Variants in DTWD2 observed in about 807,000 individuals in gnomAD.
The protein encoded by DTWD2 is tRNA-uridine aminocarboxypropyltransferase 2.
DTWD2 carries 39 observed loss-of-function variants against 31.8 expected under a neutral mutation model. The observed-to-expected ratio is 1.22, with a 90% CI of 0.95 to 1.60. DTWD2 has a LOEUF of 1.60. Ranked by LOEUF, DTWD2 falls within the 40% of genes most tolerant of loss-of-function variation. The pLI is 0.00. For synonymous variants in DTWD2, 180 were observed against 142.8 expected (o/e 1.26, Z -1.86); for missense variants, 515 against 381.5 (o/e 1.35, Z -2.92).
chr5:118,841,323 T>C (rs1467857047), intron 5 of DTWD2, among the ~76,000 whole-genome samples: 3 of 152,190 alleles, frequency 2.0e-5, no homozygotes, highest in Non-Finnish European at 4.4e-5. Context: ...AAATACTGAT[T>C]TTCCACATAG....
chr5:118,906,801 A>T (rs1381144439), intron 4 of DTWD2, among the ~76,000 whole-genome samples: 1 of 152,204 alleles, frequency 6.6e-6, no homozygotes, highest in African/African-American at 2.4e-5. Context: ...CATGTATGTC[A>T]AAACTTAGCA....
chr5:118,947,938 C>T (rs1045134696), intron 1 of DTWD2, among the ~76,000 whole-genome samples: 1 of 152,056 alleles, frequency 6.6e-6, no homozygotes, highest in African/African-American at 2.4e-5. Flanking sequence ...TTCTAAAAAT[C>T]CCCAAAATGA....
intron 4 of DTWD2, among the ~76,000 whole-genome samples, chr5:118,878,595 G>A (rs1593970): frequency 0.15 from 22,283 of 152,078 alleles, 1,907 homozygotes; most frequent in South Asian, 0.31. Context: ...CACAGGCAGA[G>A]ATTTCATAAC....
At chr5:118,896,408 T>A (rs1313342477) in intron 4 of DTWD2, among the ~76,000 whole-genome samples, 1 of 151,760 alleles carries the variant, frequency 6.6e-6, no homozygotes, top group Non-Finnish European at 1.5e-5. Context: ...ATGAAAAACA[T>A]GAGTCTGAAA....
chr5:118,848,920 A>G (rs1751930996), intron 4 of DTWD2, among the ~76,000 whole-genome samples: 1 of 152,192 alleles, frequency 6.6e-6, no homozygotes, highest in South Asian at 2.1e-4. Flanking sequence ...ATCCATAAAA[A>G]CCCTAGAAGA....
At chr5:118,928,297 G>A (rs1452635146) in intron 4 of DTWD2, among the ~76,000 whole-genome samples, 1 of 151,804 alleles carries the variant, frequency 6.6e-6, no homozygotes, top group Non-Finnish European at 1.5e-5. Context: ...CTCAACTACA[G>A]TAAAATTTGG....
At chr5:118,907,752 G>T (rs1580799330) in intron 4 of DTWD2, among the ~76,000 whole-genome samples, 1 of 151,614 alleles carries the variant, frequency 6.6e-6, no homozygotes, top group East Asian at 1.9e-4. Context: ...AAGTCCAAAG[G>T]TCACCCAGGA....
At chr5:118,851,049 C>T (rs971359468) in intron 4 of DTWD2, among the ~76,000 whole-genome samples, 8 of 151,950 alleles carry the variant, frequency 5.3e-5, no homozygotes, top group Admixed American at 2.6e-4. Context: ...GAGTTCAAGA[C>T]CAGCCTGGCC....
In DTWD2 at chr5:118,884,371, C is replaced by A. The variant is rs115540247; in HGVS notation, c.598-36153G>T. Among the ~76,000 whole-genome samples the A allele has an allele frequency of 3.4e-3, 510 of 152,228 alleles. 3 individuals are homozygous for A. The highest frequency in any genetic ancestry group is 0.012 in the African/African-American group (500 of 41,538). ...TGTTAAGTTTGTAATATACTATTAACCTCCCACTCTCCTTCAGAAATCAGT... is the reference window on the plus strand; with the variant it reads ...TGTTAAGTTTGTAATATACTATTAAACTCCCACTCTCCTTCAGAAATCAGT... On this transcript the variant is annotated intron_variant, in intron 4 of 5. Transcript: ENST00000510708.
intron 1 of DTWD2, among the ~76,000 whole-genome samples, chr5:118,954,272 C>A (rs1397269573): frequency 6.6e-6 from 1 of 152,076 alleles, no homozygotes; most frequent in African/African-American, 2.4e-5. Context: ...AAAACCCTAG[C>A]AATGAATCAA....
At chr5:118,891,888 C>G (rs1346955285) in intron 4 of DTWD2, among the ~76,000 whole-genome samples, 2 of 152,066 alleles carry the variant, frequency 1.3e-5, no homozygotes, top group African/African-American at 2.4e-5. Context: ...GAAAGAAAAC[C>G]CACAAACTTT....
intron 4 of DTWD2, among the ~76,000 whole-genome samples, chr5:118,892,751 T>C (rs1753001592): frequency 6.6e-6 from 1 of 152,130 alleles, no homozygotes; most frequent in Admixed American, 6.5e-5. Context: ...AAACTACATA[T>C]GTATTTTCCA....
chr5:118,884,665 C>A (rs1752815406), intron 4 of DTWD2, among the ~76,000 whole-genome samples: 1 of 152,154 alleles, frequency 6.6e-6, no homozygotes, highest in Admixed American at 6.5e-5. Flanking sequence ...TATCCTCTAA[C>A]ACTTTGTATC....
chr5:118,947,123 G>T (rs1011825919), intron 1 of DTWD2, among the ~76,000 whole-genome samples: 1 of 152,202 alleles, frequency 6.6e-6, no homozygotes, highest in Non-Finnish European at 1.5e-5. Flanking sequence ...CAGCAGGTGA[G>T]CAAGTGCAGG....
In DTWD2 at chr5:118,911,244, T is replaced by A. The variant is rs1301165286; in HGVS notation, c.597+17293A>T. Among the ~76,000 whole-genome samples the A allele has an allele frequency of 7.2e-5, 11 of 152,166 alleles. No homozygotes were observed. The South Asian group carries it at 2.3e-3, about 32-fold the overall frequency. On this transcript the variant is annotated intron_variant, in intron 4 of 5. Transcript: ENST00000510708. ...ACTGGAGCACCCGAAAAGAAGAAAT[T>A]CAGATGGTCAACAGGTATATAATCT...
intron 4 of DTWD2, among the ~76,000 whole-genome samples, chr5:118,858,597 TATC>T (rs1351531542): frequency 2.6e-5 from 4 of 152,188 alleles, no homozygotes; most frequent in Admixed American, 6.5e-5. Flanking sequence ...ATTCCAGAAT[TATC>T]AACATTTTGC....
Position 118,928,700 on chromosome 5 carries a change from T to C in DTWD2, c.434A>G (p.Lys145Arg). 1 of 1,576,344 alleles carries C rather than the reference T, an allele frequency of 6.3e-7. No homozygotes were observed. ...RDPELSTVCRKSGTLILYPGA... is the reference protein window; with the variant it reads ...RDPELSTVCRRSGTLILYPGA... ...TGGATATAATATTAATGTACCAGACTTCCGGCAAACAGTTGAAAGTTCAGG... is the reference window on the plus strand; with the variant it reads ...TGGATATAATATTAATGTACCAGACCTCCGGCAAACAGTTGAAAGTTCAGG... Residue 145 changes from lysine (K) to arginine (R), a missense_variant, in exon 4 of 6, where the codon AAG (lysine) becomes AGG (arginine). Coordinates refer to ENST00000510708, the MANE Select transcript of DTWD2 (RefSeq NM_173666.4).
intron 4 of DTWD2, among the ~76,000 whole-genome samples, chr5:118,895,212 T>C (rs1753059458): frequency 1.3e-5 from 2 of 152,148 alleles, no homozygotes; most frequent in Non-Finnish European, 1.5e-5. Context: ...CATTTCCATA[T>C]ACTAGCAGTG....
intron 1 of DTWD2, among the ~76,000 whole-genome samples, chr5:118,955,169 C>T (rs1454576920): frequency 6.6e-6 from 1 of 152,134 alleles, no homozygotes; most frequent in African/African-American, 2.4e-5. Context: ...TTTATATGCT[C>T]ACAAAACATT....
Sources: gnomAD v4.1 joint callset for allele counts (sites outside exome capture counted in the v4.1 genomes callset) on GRCh38, gnomAD v4.1.1 for gene constraint, MANE v1.5 for transcripts, NCBI Gene and HGNC (gene_info 2026-07-23, HGNC 2026-07-21) for gene names.